NFATC3: variants seen among roughly 807,000 people sequenced by gnomAD.
NFATC3 encodes nuclear factor of activated T cells 3.
A neutral mutation model predicts 98.6 loss-of-function variants in NFATC3; 46 were observed. The observed-to-expected ratio is 0.47, with a 90% confidence interval of 0.37 to 0.60. The LOEUF is 0.60. Among genes scored for constraint, NFATC3 ranks in the 20% least tolerant of loss-of-function variants. NFATC3 has a pLI of 0.00. For missense variants in NFATC3, 1,256 were observed against 1,295.5 expected (o/e 0.97, Z 0.47); for synonymous variants, 512 against 472.2 (o/e 1.08, Z -1.09).
rs2151112962 is a variant in NFATC3 at position 68,191,262 on chromosome 16, C to G, written c.2593C>G (p.Leu865Val). 6.2e-7 allele frequency: 1 copy of G among 1,614,226 alleles called. No individual in the cohort carries two copies. Among genetic ancestry groups the G allele is most frequent in the Non-Finnish European group, 8.5e-7 (1 of 1,180,040 alleles). The change falls in exon 9 of 10, where the codon CTC (leucine) becomes GTC (valine). Residue 865 changes from leucine to valine, a missense_variant. By Grantham distance (32) the Leu-to-Val change is conservative (BLOSUM62 1). This residue lies in a region of NFATC3 where 636 missense variants were observed against 617.3 expected (regional missense o/e 1.03). Transcript: ENST00000346183. The stretch of plus-strand genomic sequence containing the variant: ...TTCAAATTCAGGCTCAACAGGACAT[C>G]TCTTAGCCCATACACCTCATTCTGT... ...HSSNSGSTGHLLAHTPHSVHT... is the reference protein window; with the variant it reads ...HSSNSGSTGHVLAHTPHSVHT...
At position 68,085,637 on chromosome 16, in the gene NFATC3, G is replaced by A. The variant is rs1235222469; in HGVS notation, c.-45G>A. 1.4e-6 allele frequency: 2 copies of A among 1,465,252 alleles called. No homozygotes were observed. The highest frequency in any genetic ancestry group is 9.0e-7 in the Non-Finnish European group (1 of 1,107,892). The allele number at this position is 1,465,252 out of a possible 1,614,324, so 90.8% of individuals were successfully genotyped here. On this transcript the variant is annotated 5_prime_UTR_variant, in exon 1 of 10. Transcript: ENST00000346183. The stretch of plus-strand genomic sequence containing the variant: ...GCTGCTGCCGCCGCTTGCCGCTGCC[G>A]CCGCCGCCGCCTGAGGAGGAGCTGC...
chr16:68,184,495 G>A (rs2040089498), intron 8 of NFATC3, among the ~76,000 whole-genome samples: 3 of 152,116 alleles, frequency 2.0e-5, no homozygotes, highest in Non-Finnish European at 2.9e-5. Flanking sequence ...GGACAATCAT[G>A]GAGAATGTTT....
intron 1 of NFATC3, among the ~76,000 whole-genome samples, chr16:68,120,075 C>G (rs1474256876): frequency 8.7e-6 from 1 of 115,208 alleles, no homozygotes; most frequent in Non-Finnish European, 1.8e-5. Flanking sequence ...CCCAGGAGTT[C>G]AAGATTAGGC....
At chr16:68,200,055 C>G (rs1484209437) in intron 9 of NFATC3, 1 of 152,122 alleles carries the variant, frequency 6.6e-6, no homozygotes, top group African/African-American at 2.4e-5. Context: ...TATCTAATAC[C>G]TCTAGATTAA....
chr16:68,216,617 C>T (rs567929625), intron 9 of NFATC3, among the ~76,000 whole-genome samples: 26 of 152,070 alleles, frequency 1.7e-4, no homozygotes, highest in Middle Eastern at 3.4e-3. Context: ...CTGCAACCTC[C>T]GCCTCCCAGG....
intron 9 of NFATC3, among the ~76,000 whole-genome samples, chr16:68,224,274 CTT>C (rs952835724): frequency 7.4e-5 from 9 of 121,642 alleles, no homozygotes; most frequent in African/African-American, 6.5e-5. Flanking sequence ...TAAGCCAAAT[CTT>C]TTTTTTTTTT....
intron 9 of NFATC3, among the ~76,000 whole-genome samples, chr16:68,205,268 G>A (rs2151144438): frequency 6.6e-6 from 1 of 152,236 alleles, no homozygotes; most frequent in African/African-American, 2.4e-5. Context: ...GGGGAACGGA[G>A]ACAGGAGTTT....
At position 68,213,467 on chromosome 16, in the gene NFATC3, AAAAT is replaced by A. The variant is rs528160209; in HGVS notation, c.3107-12881_3107-12878del. ...ATTAAAAAAAATAAAAATTAAAAAA[AAAAT>A]ACTAGTTTCAACTTGCTGAATTGAT... On this transcript the variant is annotated intron_variant, in intron 9 of 9. Coordinates refer to ENST00000346183, the MANE Select transcript of NFATC3 (RefSeq NM_173165.3). Among the ~76,000 whole-genome samples, 465 of 151,756 alleles carry A rather than the reference AAAAT, an allele frequency of 3.1e-3. 2 individuals are homozygous for A. The highest frequency in any genetic ancestry group is 0.011 in the African/African-American group (438 of 41,418).
At chr16:68,092,672 C>A (rs908331393) in intron 1 of NFATC3, among the ~76,000 whole-genome samples, 1 of 151,854 alleles carries the variant, frequency 6.6e-6, no homozygotes, top group Non-Finnish European at 1.5e-5. Context: ...GGAAGTATCT[C>A]TTGAGCCTAG....
intron 9 of NFATC3, among the ~76,000 whole-genome samples, chr16:68,208,691 C>G (rs2151152168): frequency 6.6e-6 from 1 of 152,134 alleles, no homozygotes; most frequent in Non-Finnish European, 1.5e-5. Context: ...GATTATGCCA[C>G]TGCACTCCAG....
At chr16:68,133,251 T>G (rs1339792367) in intron 3 of NFATC3, among the ~76,000 whole-genome samples, 1 of 152,082 alleles carries the variant, frequency 6.6e-6, no homozygotes, top group African/African-American at 2.4e-5. Flanking sequence ...GGCAGCAGAG[T>G]GAGACTCTGT....
chr16:68,167,498 C>T (rs1226325155), intron 5 of NFATC3, among the ~76,000 whole-genome samples: 1 of 152,040 alleles, frequency 6.6e-6, no homozygotes, highest in Non-Finnish European at 1.5e-5. Context: ...ATGTTTTTTC[C>T]TAACATACAA....
chr16:68,178,302 A>C lies in NFATC3; in HGVS notation c.1916-3173A>C, dbSNP rs150668687. ...GTTTCTTAACTTGATTAATAATATC[A>C]GCATCTTCTCTTTGAGCTGGAAGTA... On this transcript the variant is annotated intron_variant, in intron 6 of 9. Transcript: ENST00000346183. 3.2e-4 allele frequency among the ~76,000 whole-genome samples: 48 copies of C among 152,350 alleles called. 1 individual carries two copies. The East Asian group carries it at 9.2e-3, about 29-fold the overall frequency.
chr16:68,112,381 G>A (rs970210932), intron 1 of NFATC3, among the ~76,000 whole-genome samples: 4 of 145,970 alleles, frequency 2.7e-5, no homozygotes, highest in African/African-American at 1.0e-4. Context: ...GGGTTCAAGC[G>A]ATCCTTCTGC....
chr16:68,159,253 A>C (rs999469212), intron 4 of NFATC3, among the ~76,000 whole-genome samples: 1 of 151,806 alleles, frequency 6.6e-6, no homozygotes, highest in African/African-American at 2.4e-5. Context: ...AAAACAAACA[A>C]AGCAATGTAG....
intron 8 of NFATC3, among the ~76,000 whole-genome samples, chr16:68,189,648 T>G (rs1567541067): frequency 6.6e-6 from 1 of 152,338 alleles, no homozygotes; most frequent in East Asian, 1.9e-4. Flanking sequence ...CTGGAAAGTC[T>G]TTCCATTTAT....
chr16:68,169,267 A>C (rs572524468), intron 5 of NFATC3, among the ~76,000 whole-genome samples: 23 of 152,016 alleles, frequency 1.5e-4, no homozygotes, highest in Non-Finnish European at 3.4e-4. Flanking sequence ...TTTTAAAGTA[A>C]AGTTATTAAT....
chr16:68,178,946 T>C (rs2039834198), intron 6 of NFATC3, among the ~76,000 whole-genome samples: 1 of 152,158 alleles, frequency 6.6e-6, no homozygotes, highest in Non-Finnish European at 1.5e-5. Context: ...TTTTCTAGGC[T>C]CCTTATTATG....
intron 2 of NFATC3, among the ~76,000 whole-genome samples, chr16:68,124,280 T>G (rs1327071118): frequency 6.6e-6 from 1 of 151,846 alleles, no homozygotes; most frequent in Non-Finnish European, 1.5e-5. Context: ...TAAAAAAATT[T>G]TTTTTGTTTT....
Sources: gnomAD v4.1 joint callset for allele counts (sites outside exome capture counted in the v4.1 genomes callset) on GRCh38, gnomAD v4.1.1 for gene constraint, gnomAD v4.1.1 regional missense constraint, MANE v1.5 for transcripts, NCBI Gene and HGNC (gene_info 2026-07-23, HGNC 2026-07-21) for gene names.